GRID1: variants seen among roughly 807,000 people sequenced by gnomAD.
GRID1 encodes glutamate receptor ionotropic, delta-1.
Under a neutral mutation model 98.0 loss-of-function variants are expected in GRID1, and 28 were observed. The observed-to-expected ratio is 0.29, with a 90% CI of 0.21 to 0.39. GRID1 has a LOEUF of 0.39. GRID1 is among the 10% of genes least tolerant of loss of function. The pLI is 1.00. For synonymous variants in GRID1, 553 were observed against 538.5 expected (o/e 1.03, Z -0.37); for missense variants, 1,111 against 1,340.5 (o/e 0.83, Z 2.67).
Position 85,804,220 on chromosome 10 carries a change from G to A in GRID1, c.1233+50276C>T, listed in dbSNP as rs528756752. On this transcript the variant is annotated intron_variant, in intron 8 of 15. Coordinates refer to ENST00000327946, the MANE Select transcript of GRID1 (RefSeq NM_017551.3). ...GACAGGGTATCACTACTGATTCTACGAACATGAAAATGATAATAAAAGACT... is the reference window on the plus strand; with the variant it reads ...GACAGGGTATCACTACTGATTCTACAAACATGAAAATGATAATAAAAGACT... Among the ~76,000 whole-genome samples, 18 of 151,300 alleles carry A rather than the reference G, an allele frequency of 1.2e-4. No individual in the cohort carries two copies. In the South Asian group the frequency reaches 1.5e-3, roughly 12 times the overall value.
intron 2 of GRID1, among the ~76,000 whole-genome samples, chr10:86,345,233 C>T (rs1848365593): frequency 6.6e-6 from 1 of 152,208 alleles, no homozygotes; most frequent in South Asian, 2.1e-4. Context: ...AATGCAGGTA[C>T]CCTTGTCATA....
At chr10:85,642,516 T>C (rs761028141) in intron 13 of GRID1, among the ~76,000 whole-genome samples, 1 of 152,226 alleles carries the variant, frequency 6.6e-6, no homozygotes, top group African/African-American at 2.4e-5. Flanking sequence ...ACAGGAATCT[T>C]GTCTCCGATT....
intron 5 of GRID1, among the ~76,000 whole-genome samples, chr10:85,905,771 G>A (rs1841452663): frequency 6.6e-6 from 1 of 151,948 alleles, no homozygotes; most frequent in South Asian, 2.1e-4. Context: ...TAGCTCATAA[G>A]CCAATAAAAG....
chr10:85,900,115 T>C (rs898671119), intron 5 of GRID1, among the ~76,000 whole-genome samples: 2 of 152,220 alleles, frequency 1.3e-5, no homozygotes, highest in African/African-American at 4.8e-5. Flanking sequence ...TCTGGTGGTT[T>C]GAACTATCTC....
chr10:85,821,539 A>AAAAAAAAGAAAAAAAAC (rs770693495), intron 8 of GRID1, among the ~76,000 whole-genome samples: 1 of 97,594 alleles, frequency 1.0e-5, no homozygotes, highest in Non-Finnish European at 2.2e-5. Flanking sequence ...AAAAAAAAAA[A>AAAAAAAAGAAAAAAAAC]AAAAAAGAAA....
At chr10:86,321,686 C>T (rs1461869937) in intron 2 of GRID1, among the ~76,000 whole-genome samples, 1 of 152,104 alleles carries the variant, frequency 6.6e-6, no homozygotes, top group African/African-American at 2.4e-5. Context: ...GCTGGCAGGG[C>T]CATGATGCCA....
chr10:86,124,793 A>G (rs1589379883), intron 4 of GRID1, among the ~76,000 whole-genome samples: 1 of 152,182 alleles, frequency 6.6e-6, no homozygotes, highest in African/African-American at 2.4e-5. Context: ...AATGAAACCC[A>G]GAAAGGCAAG....
chr10:85,629,683 A>G (rs920367237), intron 13 of GRID1, among the ~76,000 whole-genome samples: 1 of 152,234 alleles, frequency 6.6e-6, no homozygotes, highest in Admixed American at 6.5e-5. Flanking sequence ...GCTGCTATAA[A>G]CATATAACTA....
In GRID1 at chr10:86,332,845, C is replaced by A. The variant is rs77415269; in HGVS notation, c.235+31096G>T. ...TAGACGTGACCTTCACCCTGATCTT[C>A]CCCTTCCCTCACTCCAATACCCAGA... On this transcript the variant is annotated intron_variant, in intron 2 of 15. Coordinates refer to ENST00000327946, the MANE Select transcript of GRID1 (RefSeq NM_017551.3). Among the ~76,000 whole-genome samples, 807 of 152,186 alleles carry A rather than the reference C, an allele frequency of 5.3e-3. 8 individuals carry two copies. Among genetic ancestry groups the A allele is most frequent in the African/African-American group, 0.019 (776 of 41,506 alleles).
At chr10:86,155,104 C>T (rs994744181) in intron 3 of GRID1, among the ~76,000 whole-genome samples, 1 of 152,188 alleles carries the variant, frequency 6.6e-6, no homozygotes, top group Admixed American at 6.5e-5. Flanking sequence ...TTATTGTTAG[C>T]CCCCTTCACC....
At chr10:85,949,905 GGGAT>G (rs35077466) in intron 4 of GRID1, among the ~76,000 whole-genome samples, 6,035 of 149,810 alleles carry the variant, frequency 0.04, 169 homozygotes, top group Non-Finnish European at 0.051. Context: ...GAGAACTATA[GGGAT>G]GGATGGATGG....
chr10:85,967,936 G>A (rs1842358777), intron 4 of GRID1, among the ~76,000 whole-genome samples: 1 of 152,126 alleles, frequency 6.6e-6, no homozygotes, highest in Non-Finnish European at 1.5e-5. Flanking sequence ...CAGCAAAAAT[G>A]AAGGAGAAAT....
intron 4 of GRID1, among the ~76,000 whole-genome samples, chr10:85,953,210 A>G (rs552437731): frequency 6.6e-6 from 1 of 152,126 alleles, no homozygotes; most frequent in African/African-American, 2.4e-5. Flanking sequence ...GAATGAGATC[A>G]TGTCCTTTGC....
chr10:85,788,580 A>G (rs1842450988), intron 8 of GRID1, among the ~76,000 whole-genome samples: 1 of 152,236 alleles, frequency 6.6e-6, no homozygotes, highest in Admixed American at 6.5e-5. Flanking sequence ...TGTCCCACAC[A>G]TAAGTCATTA....
At position 85,868,990 on chromosome 10, in the gene GRID1, A is replaced by G. The variant is rs1352181542; in HGVS notation, c.951+20T>C. 1 of 1,608,390 alleles carries G rather than the reference A, an allele frequency of 6.2e-7. No homozygotes were observed. The highest frequency in any genetic ancestry group is 1.1e-5 in the South Asian group (1 of 90,924). On this transcript the variant is annotated intron_variant, in intron 6 of 15. Transcript: ENST00000327946. ...AGACTCTTGGTGGAGGGGACTGGAG[A>G]GAAGAGGCTGAGCACTGACCTGCAG...
intron 13 of GRID1, among the ~76,000 whole-genome samples, chr10:85,626,891 G>A (rs1349585497): frequency 6.6e-6 from 1 of 152,170 alleles, no homozygotes; most frequent in Non-Finnish European, 1.5e-5. Context: ...AATTTGGTGG[G>A]GAGAATTGAA....
At chr10:86,307,954 T>C (rs1188109955) in intron 2 of GRID1, among the ~76,000 whole-genome samples, 5 of 152,192 alleles carry the variant, frequency 3.3e-5, no homozygotes, top group Admixed American at 3.3e-4. Flanking sequence ...ATATACAATC[T>C]CCTGTTTTTA....
At chr10:86,243,315 C>T (rs1024568108) in intron 2 of GRID1, among the ~76,000 whole-genome samples, 21 of 152,276 alleles carry the variant, frequency 1.4e-4, no homozygotes, top group Admixed American at 4.6e-4. Context: ...TAGGGGTCAG[C>T]CATCCTCAGA....
intron 4 of GRID1, among the ~76,000 whole-genome samples, chr10:85,947,795 G>A (rs989554255): frequency 1.3e-5 from 2 of 152,216 alleles, no homozygotes; most frequent in Non-Finnish European, 2.9e-5. Context: ...AGGGTCAGAC[G>A]TCCCAATACA....
Sources: allele counts gnomAD v4.1 joint callset (sites outside exome capture counted in the v4.1 genomes callset), GRCh38; gene constraint gnomAD v4.1.1; transcripts MANE v1.5; gene names NCBI Gene and HGNC (gene_info 2026-07-23, HGNC 2026-07-21).